SCN3A: variants seen among roughly 807,000 people sequenced by gnomAD.
SCN3A encodes sodium voltage-gated channel alpha subunit 3.
In SCN3A, 60 loss-of-function variants were observed where a neutral mutation model predicts 187.6. The observed-to-expected ratio is 0.32, with a 90% confidence interval of 0.26 to 0.40. The LOEUF is 0.40. SCN3A is among the 10% of genes least tolerant of loss of function. SCN3A has a pLI of 1.00. For missense variants in SCN3A, 1,601 were observed against 2,428.2 expected (o/e 0.66, Z 7.16); for synonymous variants, 788 against 829.2 (o/e 0.95, Z 0.85).
chr2:165,146,629 C>T (rs1386792775), intron 12 of SCN3A, 110 bp downstream of exon 12: 1 of 1,107,438 alleles, frequency 9.0e-7, no homozygotes, highest in Non-Finnish European at 1.4e-6. Flanking sequence ...ATGTTAGTTC[C>T]CTGTCCCTCA....
At chr2:165,159,732 T>C (rs1379862661) in intron 9 of SCN3A, among the ~76,000 whole-genome samples, 1 of 134,390 alleles carries the variant, frequency 7.4e-6, no homozygotes, top group Admixed American at 7.9e-5. Context: ...TGCTGGTTTG[T>C]CTTTTCATTC....
chr2:165,188,055 T>C (rs1184611911), intron 1 of SCN3A, among the ~76,000 whole-genome samples: 5 of 152,136 alleles, frequency 3.3e-5, no homozygotes, highest in Admixed American at 6.5e-5. Flanking sequence ...TTTCAATACA[T>C]TTTTAAAATA....
At chr2:165,168,214 AT>A (rs1340253467) in intron 5 of SCN3A, among the ~76,000 whole-genome samples, 5 of 152,004 alleles carry the variant, frequency 3.3e-5, no homozygotes, top group Non-Finnish European at 7.4e-5. Context: ...AAGACATTTT[AT>A]TTCTTTTACA....
chr2:165,129,820 AG>A (rs1687206063), intron 17 of SCN3A, 119 bp downstream of exon 17: 9 of 1,225,850 alleles, frequency 7.3e-6, no homozygotes, highest in Non-Finnish European at 1.1e-5. Flanking sequence ...GAGTGCTAAT[AG>A]GGGGATTTCA....
chr2:165,142,364 G>A (rs1221030658), intron 12 of SCN3A, among the ~76,000 whole-genome samples: 1 of 152,082 alleles, frequency 6.6e-6, no homozygotes, highest in East Asian at 1.9e-4. Context: ...TATTTTCATG[G>A]CTTTTCCCAG....
At chr2:165,187,275 A>T (rs1245012875) in intron 1 of SCN3A, among the ~76,000 whole-genome samples, 1 of 152,182 alleles carries the variant, frequency 6.6e-6, no homozygotes, top group Non-Finnish European at 1.5e-5. Context: ...CTAAGAGTAT[A>T]TTTTAGACAA....
chr2:165,201,700 T>A (rs1692330791), intron 1 of SCN3A, among the ~76,000 whole-genome samples: 3 of 152,028 alleles, frequency 2.0e-5, no homozygotes, highest in Non-Finnish European at 4.4e-5. Flanking sequence ...CACTTCTCCA[T>A]GTTGTTTCCT....
chr2:165,131,719 T>C (rs960557782), intron 15 of SCN3A, among the ~76,000 whole-genome samples: 1 of 150,940 alleles, frequency 6.6e-6, no homozygotes, highest in African/African-American at 2.4e-5. Flanking sequence ...TCATTTAGCA[T>C]TAGGTATATC....
rs965979340 is a variant in SCN3A at position 165,132,418 on chromosome 2, T to G, written c.2392-1001A>C. On this transcript the variant is annotated intron_variant, in intron 15 of 27. Transcript: ENST00000283254. ...ACAGTAACCAAAACAGCATGGTACT[T>G]GTACCAAAACAGAGATATAGATCAA... 4.6e-5 allele frequency among the ~76,000 whole-genome samples: 7 copies of G among 152,170 alleles called. No homozygotes were observed. The South Asian group carries it at 6.2e-4, about 14-fold the overall frequency.
intron 2 of SCN3A, among the ~76,000 whole-genome samples, chr2:165,178,721 G>C (rs187507525): frequency 6.6e-6 from 1 of 152,234 alleles, no homozygotes; most frequent in African/African-American, 2.4e-5. Flanking sequence ...TAGTTGGGCA[G>C]CACATTTTTT....
intron 7 of SCN3A, among the ~76,000 whole-genome samples, chr2:165,163,116 T>C (rs1413581237): frequency 1.3e-5 from 2 of 152,200 alleles, no homozygotes; most frequent in East Asian, 3.9e-4. Flanking sequence ...TTATTTTTCA[T>C]TTCAGATTTT....
chr2:165,119,423 T>C (rs1268897478), intron 18 of SCN3A, among the ~76,000 whole-genome samples: 1 of 152,198 alleles, frequency 6.6e-6, no homozygotes, highest in African/African-American at 2.4e-5. Flanking sequence ...TACTACCTGA[T>C]ATGCTTTAGT....
Position 165,193,909 on chromosome 2 carries a change from T to G in SCN3A, c.-247-7162A>C, listed in dbSNP as rs752836582. On this transcript the variant is annotated intron_variant, in intron 1 of 27. Transcript: ENST00000283254. Reference sequence around the variant, plus strand: ...ACTGGAGCACAGGATGATTTAGGTGTGTCTGAAGTTCAGCTGCCATTTGAT... The same window carrying G: ...ACTGGAGCACAGGATGATTTAGGTGGGTCTGAAGTTCAGCTGCCATTTGAT... Among the ~76,000 whole-genome samples the G allele has an allele frequency of 1.1e-4, 16 of 152,246 alleles. 1 individual carries two copies. Among genetic ancestry groups the G allele is most frequent in the Middle Eastern group, 6.8e-3 (2 of 294 alleles).
chr2:165,139,666 C>T (rs1371542217), intron 13 of SCN3A, 58 bp from the exon 14 acceptor site: 18 of 1,603,920 alleles, frequency 1.1e-5, no homozygotes, highest in Non-Finnish European at 8.5e-7. Context: ...TACAACACCA[C>T]ATAGCATTTC....
At chr2:165,163,513 G>T (rs185141571) in intron 7 of SCN3A, 105 bp downstream of exon 7, 9 of 1,291,000 alleles carry the variant, frequency 7.0e-6, no homozygotes, top group Middle Eastern at 1.8e-4. Flanking sequence ...ATTATTTAAC[G>T]GGATGAACTG....
intron 27 of SCN3A, chr2:165,091,788 A>T: frequency 3.8e-6 from 1 of 266,452 alleles, no homozygotes; most frequent in Non-Finnish European, 7.1e-6. Flanking sequence ...ATAATTCCCC[A>T]TCTCTCTTTT....
rs1691541875 is a variant in SCN3A at position 165,190,645 on chromosome 2, G to A, written c.-247-3898C>T. ...AACTTTGCATCACTTTTTAGAAGAG[G>A]TGAGATATAATAAATAAAAATCAAG... On this transcript the variant is annotated intron_variant, in intron 1 of 27. Coordinates refer to ENST00000283254, the MANE Select transcript of SCN3A (RefSeq NM_006922.4). Among the ~76,000 whole-genome samples the A allele has an allele frequency of 2.0e-5, 3 of 148,062 alleles. No individual in the cohort carries two copies. In the East Asian group the frequency reaches 5.9e-4, roughly 29 times the overall value.
intron 2 of SCN3A, among the ~76,000 whole-genome samples, chr2:165,176,747 G>T (rs1366554352): frequency 6.6e-6 from 1 of 151,898 alleles, no homozygotes; most frequent in Non-Finnish European, 1.5e-5. Flanking sequence ...CTATAATTTT[G>T]TCCATTTTTT....
chr2:165,094,387 A>G lies in SCN3A; in HGVS notation c.4523T>C (p.Ile1508Thr), dbSNP rs1421078796. 1 of 1,610,654 alleles carries G rather than the reference A, an allele frequency of 6.2e-7. No individual in the cohort carries two copies. Among genetic ancestry groups the G allele is most frequent in the Non-Finnish European group, 8.5e-7 (1 of 1,177,024 alleles). ...KLGSKKPQKP[I>T]PRPANKFQGM... ...AGTAATTCTTACTGCTGGGCGAGGT[A>G]TGGGTTTCTGAGGTTTCTTGGATCC... The change falls in exon 26 of 28, where the codon ATA becomes ACA. Residue 1508 changes from isoleucine to threonine, a missense_variant. Around this residue, in one of 11 missense-constraint regions of SCN3A, gnomAD observed 320 missense variants for 623.2 expected, o/e 0.51. Transcript: ENST00000283254.
Sources: gnomAD v4.1 joint callset for allele counts (sites outside exome capture counted in the v4.1 genomes callset) on GRCh38, gnomAD v4.1.1 for gene constraint, gnomAD v4.1.1 regional missense constraint, MANE v1.5 for transcripts, NCBI Gene and HGNC (gene_info 2026-07-23, HGNC 2026-07-21) for gene names.